Variants in ZBBX observed in about 807,000 individuals in gnomAD.
ZBBX encodes zinc finger B-box domain containing, also known as zinc finger B-box domain-containing protein 1.
A neutral mutation model predicts 108.5 loss-of-function variants in ZBBX; 101 were observed. That is an observed-to-expected ratio of 0.93 (90% CI 0.79 to 1.10). The LOEUF is 1.10. Ranked by LOEUF, ZBBX falls within the 50% of genes least tolerant of loss-of-function variation. The probability of loss-of-function intolerance (pLI) is 0.00; values close to 1 mark genes in which losing one functional copy is unlikely to be tolerated. For missense variants in ZBBX, 1,009 were observed against 941.4 expected (o/e 1.07, Z -0.94); for synonymous variants, 356 against 323.4 (o/e 1.10, Z -1.08).
At chr3:167,269,809 T>G (rs1726211833) in intron 20 of ZBBX, among the ~76,000 whole-genome samples, 1 of 152,172 alleles carries the variant, frequency 6.6e-6, no homozygotes, top group Admixed American at 6.5e-5. Context: ...CCTTACACTA[T>G]TCTCAGTAAA....
At chr3:167,200,406 T>C in the ZBBX span, among the ~76,000 whole-genome samples, 1 of 152,188 alleles carries the variant, frequency 6.6e-6, no homozygotes, top group African/African-American at 2.4e-5. Flanking sequence ...CTAGAGGGCA[T>C]TTAGTCTTCA....
chr3:167,243,717 T>C lies in ZBBX; in HGVS notation c.2255-1074A>G, dbSNP rs1721078358. Among the ~76,000 whole-genome samples, 3 of 145,012 alleles carry C rather than the reference T, an allele frequency of 2.1e-5. No homozygotes were observed. The South Asian group carries it at 6.8e-4, about 33-fold the overall frequency. On this transcript the variant is annotated intron_variant, in intron 20 of 21. Transcript: ENST00000675490. ...TCCTCCTGGTCACAGGAACCAAACA[T>C]CAACATACATGTGTTCTACAGTGGA... is the stretch of plus-strand genomic sequence containing the variant.
intron 9 of ZBBX, among the ~76,000 whole-genome samples, chr3:167,334,546 C>A (rs917120037): frequency 1.3e-5 from 2 of 152,038 alleles, no homozygotes; most frequent in African/African-American, 2.4e-5. Context: ...TGCACTCCAG[C>A]CTTGGCGACA....
chr3:167,348,322 A>AAG (rs1560163020), intron 9 of ZBBX, among the ~76,000 whole-genome samples: 1,050 of 80,256 alleles, frequency 0.013, 14 homozygotes, highest in African/African-American at 0.051. Flanking sequence ...AAGAGAAAGA[A>AAG]AGAAAGAAAG....
intron 9 of ZBBX, among the ~76,000 whole-genome samples, chr3:167,343,328 A>T (rs1476910526): frequency 6.6e-6 from 1 of 151,830 alleles, no homozygotes; most frequent in African/African-American, 2.4e-5. Flanking sequence ...CTGTACTGCC[A>T]CTACCCTCTC....
intron 12 of ZBBX, among the ~76,000 whole-genome samples, chr3:167,321,531 T>C (rs553251424): frequency 2.0e-5 from 3 of 151,890 alleles, no homozygotes; most frequent in East Asian, 3.9e-4. Flanking sequence ...AACTTGCACC[T>C]CAAAAAAAGA....
At chr3:167,368,907 C>A in intron 4 of ZBBX, 1 of 219,434 alleles carries the variant, frequency 4.6e-6, no homozygotes, top group Non-Finnish European at 7.9e-6. Flanking sequence ...AAATATTGTC[C>A]AATTTTCATA....
At chr3:167,337,965 A>G in intron 9 of ZBBX, among the ~76,000 whole-genome samples, 1 of 152,180 alleles carries the variant, frequency 6.6e-6, no homozygotes, top group East Asian at 1.9e-4. Flanking sequence ...TGAAGTATTA[A>G]TAGGTAACAA....
chr3:167,324,524 A>C lies in ZBBX; in HGVS notation c.863-2287T>G, dbSNP rs186217412. ...GGTGGCTGAAGCCGGCTCTCTGCCC[A>C]TTAAACAGAAATTTTCTTCTACTAT... On this transcript the variant is annotated intron_variant, in intron 11 of 21. Coordinates refer to ENST00000675490, the MANE Select transcript of ZBBX (RefSeq NM_001199201.2). Among the ~76,000 whole-genome samples, 393 of 152,262 alleles carry C rather than the reference A, an allele frequency of 2.6e-3. 1 individual carries two copies. The highest frequency in any genetic ancestry group is 9.2e-3 in the African/African-American group (381 of 41,574).
At chr3:167,350,650 C>T (rs143931998) in intron 8 of ZBBX, 135 bp from the exon 9 acceptor site, 3 of 524,002 alleles carry the variant, frequency 5.7e-6, no homozygotes, top group Admixed American at 3.9e-5. Context: ...AATTGAGAAG[C>T]CTGTCCCAGG....
intron 12 of ZBBX, among the ~76,000 whole-genome samples, chr3:167,319,982 TTATA>T (rs776601224): frequency 4.0e-5 from 6 of 151,366 alleles, no homozygotes; most frequent in Non-Finnish European, 8.9e-5. Flanking sequence ...AGAAAAAAAT[TTATA>T]TGTGTGTATG....
intron 18 of ZBBX, among the ~76,000 whole-genome samples, chr3:167,290,589 A>C (rs1214907216): frequency 6.6e-6 from 1 of 152,196 alleles, no homozygotes; most frequent in Non-Finnish European, 1.5e-5. Context: ...TAAATTCACG[A>C]AGATGGGGAG....
chr3:167,259,701 T>C (rs1349726524), intron 20 of ZBBX, among the ~76,000 whole-genome samples: 2 of 152,196 alleles, frequency 1.3e-5, no homozygotes, highest in Non-Finnish European at 2.9e-5. Context: ...TTGAAGAATT[T>C]TTAAATTTCT....
rs1432817447 is a variant in ZBBX, at chr3:167,368,559, C to T, written c.84G>A (p.Leu28=). 3 of 1,608,464 alleles carry T rather than the reference C, an allele frequency of 1.9e-6. No individual in the cohort carries two copies. The highest frequency in any genetic ancestry group is 2.7e-5 in the African/African-American group (2 of 74,624). The part of the protein sequence containing the change: ...VKLKYRNAQE[L]RMEKVQLEFE... ...ACTCTAACTGTACTTTCTCCATTCG[C>T]AGTTCTTGAGCATTTCTGAAGACAT... Residue 28 remains leucine (L), a synonymous_variant, in exon 5 of 22, where the codon CTG becomes CTA. Coordinates refer to ENST00000675490, the MANE Select transcript of ZBBX (RefSeq NM_001199201.2).
intron 20 of ZBBX, among the ~76,000 whole-genome samples, chr3:167,250,620 A>G (rs1309954962): frequency 3.3e-5 from 5 of 152,002 alleles, no homozygotes; most frequent in Non-Finnish European, 5.9e-5. Context: ...CTTGTCTAGG[A>G]ACCCTTAGAC....
intron 19 of ZBBX, among the ~76,000 whole-genome samples, chr3:167,285,278 C>A (rs1429460416): frequency 6.6e-6 from 1 of 151,938 alleles, no homozygotes; most frequent in Non-Finnish European, 1.5e-5. Flanking sequence ...TATTGCTATT[C>A]TAAATATAAC....
At chr3:167,293,395 C>T (rs1183869429) in intron 18 of ZBBX, among the ~76,000 whole-genome samples, 1 of 152,162 alleles carries the variant, frequency 6.6e-6, no homozygotes, top group African/African-American at 2.4e-5. Context: ...TCAACAAACG[C>T]AAATCAATAA....
intron 18 of ZBBX, among the ~76,000 whole-genome samples, chr3:167,289,864 T>A (rs1171364974): frequency 6.6e-6 from 1 of 151,956 alleles, no homozygotes; most frequent in Admixed American, 6.6e-5. Context: ...AGCACAGCAG[T>A]CTGAGCTCAA....
chr3:167,363,054 C>G (rs1259829783), intron 6 of ZBBX, among the ~76,000 whole-genome samples: 1 of 152,026 alleles, frequency 6.6e-6, no homozygotes, highest in Admixed American at 6.6e-5. Flanking sequence ...ATAACCAAAT[C>G]TGGCATGTAA....
Sources: allele counts gnomAD v4.1 joint callset (sites outside exome capture counted in the v4.1 genomes callset), GRCh38; gene constraint gnomAD v4.1.1; transcripts MANE v1.5; gene names NCBI Gene and HGNC (gene_info 2026-07-23, HGNC 2026-07-21).